The following INSYN2B variants were observed in gnomAD, a reference collection of about 807,000 sequenced individuals.
INSYN2B encodes the protein protein INSYN2B.
INSYN2B carries 16 observed loss-of-function variants against 41.2 expected under a neutral mutation model. That is an observed-to-expected ratio of 0.39 (90% CI 0.26 to 0.59). The LOEUF (loss-of-function observed/expected upper bound fraction) is 0.59. Among genes scored for constraint, INSYN2B ranks in the 20% least tolerant of loss-of-function variants. The pLI is 0.57. For synonymous variants in INSYN2B, 245 were observed against 244.4 expected (o/e 1.00, Z -0.02); for missense variants, 608 against 646.4 (o/e 0.94, Z 0.64).
At chr5:169,978,401 G>GGA (rs1777807763) in intron 1 of INSYN2B, among the ~76,000 whole-genome samples, 1 of 139,348 alleles carries the variant, frequency 7.2e-6, no homozygotes, top group African/African-American at 2.7e-5. Context: ...GTGGGGGGGG[G>GGA]GGGGTGTAGG....
chr5:169,894,858 G>C (rs1284785403), intron 1 of INSYN2B, among the ~76,000 whole-genome samples: 1 of 152,114 alleles, frequency 6.6e-6, no homozygotes, highest in Non-Finnish European at 1.5e-5. Flanking sequence ...CAAATCTCAA[G>C]TAACATTAAA....
intron 1 of INSYN2B, among the ~76,000 whole-genome samples, chr5:169,928,837 A>T (rs1401551226): frequency 1.3e-5 from 2 of 152,252 alleles, no homozygotes; most frequent in African/African-American, 4.8e-5. Flanking sequence ...GTAATTACTC[A>T]GTGATGAAAA....
intron 1 of INSYN2B, among the ~76,000 whole-genome samples, chr5:169,893,009 G>A (rs1773386471): frequency 6.6e-6 from 1 of 151,678 alleles, no homozygotes; most frequent in South Asian, 2.1e-4. Context: ...TCCACACCCT[G>A]CCCTTCCTCT....
chr5:169,923,466 C>T (rs899519713), intron 1 of INSYN2B, among the ~76,000 whole-genome samples: 6 of 146,072 alleles, frequency 4.1e-5, no homozygotes, highest in African/African-American at 7.8e-5. Flanking sequence ...CACATGCGTG[C>T]GTGTGCATGC....
intron 3 of INSYN2B, among the ~76,000 whole-genome samples, chr5:169,871,227 T>C (rs973456684): frequency 6.6e-6 from 1 of 152,212 alleles, no homozygotes; most frequent in Non-Finnish European, 1.5e-5. Flanking sequence ...CCTAGTTTCC[T>C]GATACCTAGT....
intron 1 of INSYN2B, among the ~76,000 whole-genome samples, chr5:169,946,322 T>G (rs1446855483): frequency 3.3e-5 from 5 of 152,104 alleles, no homozygotes; most frequent in Non-Finnish European, 7.4e-5. Context: ...AGGGAAGTGG[T>G]GTGTTTGCTC....
chr5:169,882,587 G>C lies in INSYN2B; in HGVS notation c.1312C>G (p.Gln438Glu), dbSNP rs1017933170. 3 of 1,550,422 alleles carry C rather than the reference G, an allele frequency of 1.9e-6. No individual in the cohort carries two copies. The African/African-American group carries it at 4.1e-5, about 21-fold the overall frequency. The change falls in exon 2 of 4, where the codon CAA becomes GAA. Residue 438 changes from glutamine to glutamate, a missense_variant. Physicochemically the swap from Gln to Glu is conservative, Grantham distance 29. Coordinates refer to ENST00000377365, the MANE Select transcript of INSYN2B (RefSeq NM_001129891.3). ...EKIKVLLNVI[Q>E]DLEKARALTE... ...AGAGCTCGAGCTTTCTCCAAGTCTT[G>C]AATTACATTCAAAAGGACTTTAATT...
At chr5:169,903,311 TAAA>T (rs142632030) in intron 1 of INSYN2B, among the ~76,000 whole-genome samples, 18 of 111,040 alleles carry the variant, frequency 1.6e-4, no homozygotes, top group Non-Finnish European at 1.8e-4. Context: ...ACAACAACAA[TAAA>T]AAAAAAAAAA....
intron 1 of INSYN2B, among the ~76,000 whole-genome samples, chr5:169,948,245 G>T (rs1301309611): frequency 1.3e-5 from 2 of 152,138 alleles, no homozygotes; most frequent in Admixed American, 6.5e-5. Flanking sequence ...GCAGATGAAG[G>T]CCCTGCTCTC....
chr5:169,895,040 G>T (rs1314577171), intron 1 of INSYN2B, among the ~76,000 whole-genome samples: 1 of 152,094 alleles, frequency 6.6e-6, no homozygotes, highest in African/African-American at 2.4e-5. Flanking sequence ...TCAGACCATT[G>T]CTGGAATCGA....
intron 1 of INSYN2B, among the ~76,000 whole-genome samples, chr5:169,938,140 C>T (rs1305081119): frequency 3.3e-5 from 5 of 152,208 alleles, no homozygotes; most frequent in Non-Finnish European, 7.3e-5. Flanking sequence ...TGCTCCCTGC[C>T]TCTCTAAAGC....
intron 3 of INSYN2B, among the ~76,000 whole-genome samples, chr5:169,879,308 G>A (rs549797003): frequency 3.7e-4 from 56 of 152,154 alleles, no homozygotes; most frequent in South Asian, 1.7e-3. Context: ...TTATTCATTC[G>A]TTTCTAAGAT....
intron 3 of INSYN2B, among the ~76,000 whole-genome samples, chr5:169,877,112 C>T (rs763017030): frequency 9.2e-5 from 14 of 152,164 alleles, no homozygotes; most frequent in Non-Finnish European, 2.1e-4. Flanking sequence ...GAAATATCCA[C>T]ACAAAGCAGG....
chr5:169,972,479 A>G (rs1777539104), intron 1 of INSYN2B, among the ~76,000 whole-genome samples: 1 of 80,748 alleles, frequency 1.2e-5, no homozygotes, highest in African/African-American at 8.6e-5. Flanking sequence ...TTGACAATGA[A>G]AAATATTTCA....
At position 169,914,701 on chromosome 5, in the gene INSYN2B, A is replaced by G. The variant is rs77891941; in HGVS notation, c.-918-29885T>C. Among the ~76,000 whole-genome samples the G allele has an allele frequency of 2.6e-5, 4 of 152,352 alleles. No individual in the cohort carries two copies. In the East Asian group the frequency reaches 7.7e-4, roughly 29 times the overall value. ...CTGGGCCCACATCCCCATCTAAGGC[A>G]TCAATCCCTGCAGGAGGAGCAGTTC... On this transcript the variant is annotated intron_variant, in intron 1 of 3. Transcript: ENST00000377365.
In INSYN2B at chr5:169,883,448, A is replaced by G; in HGVS notation, c.451T>C (p.Leu151=). The change falls in exon 2 of 4, where the codon TTA becomes CTA. Residue 151 remains leucine, a synonymous_variant. Transcript: ENST00000377365. ...TCCTCAAGATGCTGAGCCAACCTTA[A>G]GTAGGCAAGGTCAGAAGACACAATG... is the stretch of plus-strand genomic sequence containing the variant. ...QDIVSSDLAY[L]RLAQHLEDGP... 2 of 1,551,674 alleles carry G rather than the reference A, an allele frequency of 1.3e-6. No individual in the cohort carries two copies. The highest frequency in any genetic ancestry group is 1.7e-6 in the Non-Finnish European group (2 of 1,146,960).
At chr5:169,914,804 C>T (rs529284419) in intron 1 of INSYN2B, among the ~76,000 whole-genome samples, 2 of 152,358 alleles carry the variant, frequency 1.3e-5, no homozygotes, top group East Asian at 1.9e-4. Context: ...CAGCTACACT[C>T]ATGTACATGA....
intron 1 of INSYN2B, among the ~76,000 whole-genome samples, chr5:169,889,872 G>C (rs1310813412): frequency 6.6e-6 from 1 of 152,232 alleles, no homozygotes; most frequent in South Asian, 2.1e-4. Flanking sequence ...GGTGGTTTTT[G>C]AGCAGGAGGC....
Position 169,939,217 on chromosome 5 carries a change from T to A in INSYN2B, c.-919+41060A>T, listed in dbSNP as rs1020275705. On this transcript the variant is annotated intron_variant, in intron 1 of 3. Coordinates refer to ENST00000377365, the MANE Select transcript of INSYN2B (RefSeq NM_001129891.3). ...CTGTGCCCGGCCTTTTTTTTTTTTT[T>A]AAACTTTTTAAGCTCTTTTGTTAAA... 6.6e-5 allele frequency among the ~76,000 whole-genome samples: 10 copies of A among 151,166 alleles called. 1 individual carries two copies. Among genetic ancestry groups the A allele is most frequent in the South Asian group, 2.1e-4 (1 of 4,712 alleles).
Sources: gnomAD v4.1 joint callset for allele counts (sites outside exome capture counted in the v4.1 genomes callset) on GRCh38, gnomAD v4.1.1 for gene constraint, MANE v1.5 for transcripts, NCBI Gene and HGNC (gene_info 2026-07-23, HGNC 2026-07-21) for gene names.